The following USP34 variants were observed in gnomAD, a reference collection of about 807,000 sequenced individuals.
The protein encoded by USP34 is ubiquitin carboxyl-terminal hydrolase 34.
A neutral mutation model predicts 460.3 loss-of-function variants in USP34; 70 were observed. That is an observed-to-expected ratio of 0.15 (90% confidence interval 0.13 to 0.19). The LOEUF is 0.19. USP34 is among the 10% of genes least tolerant of loss of function. USP34 has a pLI of 1.00. For missense variants in USP34, 3,985 were observed against 4,236.2 expected, an observed-to-expected ratio of 0.94 and a Z score of 1.65; for synonymous variants, 1,647 against 1,405.3, an observed-to-expected ratio of 1.17 and a Z score of -3.85.
At chr2:61,198,557 CTT>C (rs11340973) in intron 75 of USP34, among the ~76,000 whole-genome samples, 101 of 139,426 alleles carry the variant, frequency 7.2e-4, no homozygotes, top group Admixed American at 9.4e-4. Context: ...ATCTGATAGA[CTT>C]TTTTTTTTTT....
At chr2:61,389,827 T>C (rs529841407) in intron 5 of USP34, among the ~76,000 whole-genome samples, 1 of 152,050 alleles carries the variant, frequency 6.6e-6, no homozygotes, top group African/African-American at 2.4e-5. Flanking sequence ...CCTAACCTTT[T>C]AACCTAGGTT....
intron 1 of USP34, among the ~76,000 whole-genome samples, chr2:61,450,467 T>C (rs913101491): frequency 3.9e-5 from 6 of 152,036 alleles, no homozygotes; most frequent in Non-Finnish European, 7.4e-5. Flanking sequence ...ACCCCAATTA[T>C]TTTCGCACCA....
intron 16 of USP34, 74 bp downstream of exon 16, chr2:61,343,741 T>A: frequency 6.8e-7 from 1 of 1,461,732 alleles, no homozygotes; most frequent in Non-Finnish European, 9.5e-7. Flanking sequence ...AACTATTGAG[T>A]CCTTTCAACA....
intron 3 of USP34, among the ~76,000 whole-genome samples, chr2:61,397,831 G>A (rs1207087024): frequency 6.6e-5 from 10 of 151,976 alleles, no homozygotes; most frequent in South Asian, 2.1e-4. Flanking sequence ...CCCAGGAGAC[G>A]GAGGCTGCAG....
At chr2:61,194,427 G>GTAA (rs1686735860) in intron 75 of USP34, among the ~76,000 whole-genome samples, 4 of 152,194 alleles carry the variant, frequency 2.6e-5, no homozygotes. Context: ...TAGAGGAAGG[G>GTAA]TTAGCAAACT....
At chr2:61,349,538 A>G (rs567859560) in intron 12 of USP34, among the ~76,000 whole-genome samples, 23 of 152,156 alleles carry the variant, frequency 1.5e-4, no homozygotes, top group African/African-American at 5.3e-4. Context: ...AAAGCTATGT[A>G]TGTTAAAAAA....
chr2:61,294,643 A>C (rs956360234), intron 32 of USP34, among the ~76,000 whole-genome samples: 1 of 151,892 alleles, frequency 6.6e-6, no homozygotes, highest in Non-Finnish European at 1.5e-5. Context: ...CTGATCTCAA[A>C]CTCCTGACCT....
At chr2:61,355,088 C>CA (rs1315723635) in intron 10 of USP34, among the ~76,000 whole-genome samples, 4 of 152,292 alleles carry the variant, frequency 2.6e-5, no homozygotes, top group African/African-American at 9.6e-5. Context: ...CAGTGACCAG[C>CA]ATGAAACCCA....
At chr2:61,395,903 G>A (rs981344062) in intron 3 of USP34, among the ~76,000 whole-genome samples, 9 of 150,722 alleles carry the variant, frequency 6.0e-5, no homozygotes, top group African/African-American at 2.2e-4. Context: ...TTGTCTCTAC[G>A]AAAAATAAAA....
intron 35 of USP34, among the ~76,000 whole-genome samples, chr2:61,283,938 G>T (rs1488965289): frequency 6.6e-6 from 1 of 151,916 alleles, no homozygotes; most frequent in Non-Finnish European, 1.5e-5. Context: ...GGTAGGGTAG[G>T]GTGGGGTGGG....
intron 11 of USP34, 76 bp from the exon 12 acceptor site, chr2:61,350,465 C>G: frequency 3.2e-6 from 5 of 1,563,936 alleles, no homozygotes; most frequent in Non-Finnish European, 4.3e-6. Flanking sequence ...TTTTGTCAAA[C>G]TGAAATGCCA....
At chr2:61,197,981 G>A (rs750698563) in intron 75 of USP34, among the ~76,000 whole-genome samples, 4 of 152,138 alleles carry the variant, frequency 2.6e-5, no homozygotes, top group Admixed American at 6.5e-5. Flanking sequence ...GGATGGTCTC[G>A]ATCTCTTGAC....
intron 18 of USP34, among the ~76,000 whole-genome samples, chr2:61,335,185 T>A (rs140950864): frequency 6.6e-6 from 1 of 152,202 alleles, no homozygotes; most frequent in African/African-American, 2.4e-5. Flanking sequence ...AAGGAAACTT[T>A]ACAAAATCAA....
chr2:61,457,974 G>A (rs903702312), intron 1 of USP34, among the ~76,000 whole-genome samples: 9 of 152,084 alleles, frequency 5.9e-5, no homozygotes, highest in African/African-American at 2.2e-4. Context: ...ACCACATCTA[G>A]CCTACCCTTG....
At chr2:61,462,908 A>G (rs1342357662) in intron 1 of USP34, among the ~76,000 whole-genome samples, 1 of 151,402 alleles carries the variant, frequency 6.6e-6, no homozygotes, top group Non-Finnish European at 1.5e-5. Context: ...ATACACACCT[A>G]TAGTCCCTGC....
intron 1 of USP34, among the ~76,000 whole-genome samples, chr2:61,465,887 G>C (rs369378579): frequency 1.8e-4 from 27 of 152,182 alleles, no homozygotes; most frequent in South Asian, 4.1e-4. Context: ...TGAGTCAGGA[G>C]AATGGCGTGA....
chr2:61,468,064 A>C (rs1447040795), intron 1 of USP34, among the ~76,000 whole-genome samples: 1 of 152,218 alleles, frequency 6.6e-6, no homozygotes, highest in Non-Finnish European at 1.5e-5. Flanking sequence ...AACAAGTTTT[A>C]TCAAGCTCCA....
intron 10 of USP34, among the ~76,000 whole-genome samples, chr2:61,359,779 G>GTTTTTT (rs35258583): frequency 1.0e-4 from 9 of 86,862 alleles, no homozygotes; most frequent in Admixed American, 3.0e-4. Context: ...GCCCACAGTT[G>GTTTTTT]TTTTTTTTTT....
At chr2:61,194,168 G>A in intron 75 of USP34, 1 of 985,340 alleles carries the variant, frequency 1.0e-6, no homozygotes, top group South Asian at 4.7e-5. Context: ...AACTTACCAA[G>A]GATGCCTAGG....
Sources: allele counts gnomAD v4.1 joint callset (sites outside exome capture counted in the v4.1 genomes callset), GRCh38; gene constraint gnomAD v4.1.1; transcripts MANE v1.5; gene names NCBI Gene and HGNC (gene_info 2026-07-23, HGNC 2026-07-21).